R3HDM4: variants seen among roughly 807,000 people sequenced by gnomAD.
R3HDM4 encodes the protein R3H domain containing 4.
A neutral mutation model predicts 31.3 loss-of-function variants in R3HDM4; 30 were observed. The observed-to-expected ratio is 0.96, with a 90% confidence interval of 0.72 to 1.30. The LOEUF (loss-of-function observed/expected upper bound fraction) is 1.30, where lower values mean the gene tolerates loss of function less well. Ranked by LOEUF, R3HDM4 falls within the 50% of genes most tolerant of loss-of-function variation. The pLI, the probability that R3HDM4 is intolerant of heterozygous loss-of-function variation, is 0.00. For synonymous variants in R3HDM4, 196 were observed against 156.6 expected (o/e 1.25, Z -1.88); for missense variants, 444 against 366.1 (o/e 1.21, Z -1.74).
In R3HDM4 at chr19:897,308, AG is replaced by A; in HGVS notation, c.*128del. On this transcript the variant is annotated 3_prime_UTR_variant, in exon 8 of 8. Coordinates refer to ENST00000361574, the MANE Select transcript of R3HDM4 (RefSeq NM_138774.4). ...AGCTGCGTGAGGAGGGGGCAGAGTGAGAGAGACCACCCCAAGCGAAAAAGGT... is the reference window on the plus strand; with the variant it reads ...AGCTGCGTGAGGAGGGGGCAGAGTGAAGAGACCACCCCAAGCGAAAAAGGT... 2 of 688,786 alleles carry A rather than the reference AG, an allele frequency of 2.9e-6. No individual in the cohort carries two copies. Among genetic ancestry groups the A allele is most frequent in the Non-Finnish European group, 4.8e-6 (2 of 416,298 alleles). 42.7% of individuals were successfully genotyped at this position (688,786 alleles called of 1,614,324 possible).
rs150605521 is a variant in R3HDM4 at position 897,075 on chromosome 19, C to G, written c.*362G>C. ...AAAAGGGAAATTTAAAAATCTACAACAAATCACACCAAATTCATTAAAAGT... is the reference window on the plus strand; with the variant it reads ...AAAAGGGAAATTTAAAAATCTACAAGAAATCACACCAAATTCATTAAAAGT... On this transcript the variant is annotated 3_prime_UTR_variant, in exon 8 of 8. Coordinates refer to ENST00000361574, the MANE Select transcript of R3HDM4 (RefSeq NM_138774.4). 10 of 202,528 alleles carry G rather than the reference C, an allele frequency of 4.9e-5. No homozygotes were observed. Among genetic ancestry groups the G allele is most frequent in the Non-Finnish European group, 7.9e-5 (8 of 101,798 alleles). The allele number at this position is 202,528 out of a possible 1,614,324, so 12.5% of individuals were successfully genotyped here.
At chr19:902,842 T>C (rs1046361431) in intron 1 of R3HDM4, among the ~76,000 whole-genome samples, 4 of 151,156 alleles carry the variant, frequency 2.6e-5, no homozygotes, top group Middle Eastern at 3.6e-3. Flanking sequence ...CTCAGGAGGC[T>C]GAAGTGAGAG....
chr19:904,853 G>C (rs1320278835), intron 1 of R3HDM4, among the ~76,000 whole-genome samples: 1 of 152,122 alleles, frequency 6.6e-6, no homozygotes, highest in African/African-American at 2.4e-5. Flanking sequence ...CATGTAAAGA[G>C]TCCTCAAGCC....
rs1410433410 is a variant in R3HDM4, at chr19:913,070, C to T, written c.71+17G>A. 13 of 1,027,840 alleles carry T rather than the reference C, an allele frequency of 1.3e-5. No homozygotes were observed. The highest frequency in any genetic ancestry group is 8.5e-5 in the East Asian group (1 of 11,802). The allele number at this position is 1,027,840 out of a possible 1,614,324, so 63.7% of individuals were successfully genotyped here. A position where few individuals can be genotyped will look rare whatever the true frequency, so the allele number is the denominator to read the frequency against. ...CCCGCCCCCGGCGCCCGCCGCGCCC[C>T]GCCCGCCCGCGCTCACAGCAGCCGC... On this transcript the variant is annotated intron_variant, in intron 1 of 7. Coordinates refer to ENST00000361574, the MANE Select transcript of R3HDM4 (RefSeq NM_138774.4). This position sits in a 1 kb window ranked among gnomAD's most constrained non-coding sequence, Gnocchi z 5.0.
intron 1 of R3HDM4, among the ~76,000 whole-genome samples, chr19:910,024 A>G (rs536429557): frequency 1.3e-5 from 2 of 152,074 alleles, no homozygotes; most frequent in East Asian, 3.9e-4. Context: ...CGTCTCTACA[A>G]CAAATTAAAA....
chr19:906,589 G>A (rs2036908508), intron 1 of R3HDM4, among the ~76,000 whole-genome samples: 1 of 152,062 alleles, frequency 6.6e-6, no homozygotes, highest in Admixed American at 6.6e-5. Flanking sequence ...GGTACTCAGA[G>A]CCAAAAGGGC....
Position 913,048 on chromosome 19 carries a change from G to GT in R3HDM4, c.71+38_71+39insA. 1 of 788,238 alleles carries GT rather than the reference G, an allele frequency of 1.3e-6. No homozygotes were observed. The highest frequency in any genetic ancestry group is 1.6e-6 in the Non-Finnish European group (1 of 642,946). The allele number at this position is 788,238 out of a possible 1,614,324, so 48.8% of individuals were successfully genotyped here. A position where few individuals can be genotyped will look rare whatever the true frequency, so the allele number is the denominator to read the frequency against. On this transcript the variant is annotated intron_variant, in intron 1 of 7. Transcript: ENST00000361574. This position sits in a 1 kb window ranked among gnomAD's most constrained non-coding sequence, Gnocchi z 5.0. The stretch of plus-strand genomic sequence containing the variant: ...GATCTCAGGGGAGGGAGCCCAGCCC[G>GT]CCCCCGGCGCCCGCCGCGCCCCGCC...
intron 7 of R3HDM4, among the ~76,000 whole-genome samples, chr19:898,597 A>C (rs2145280055): frequency 6.6e-6 from 1 of 150,562 alleles, no homozygotes; most frequent in East Asian, 1.9e-4. Flanking sequence ...AGACTGTCTC[A>C]AAAAAACCAA....
At chr19:903,017 C>G (rs1568341276) in intron 1 of R3HDM4, among the ~76,000 whole-genome samples, 1 of 152,200 alleles carries the variant, frequency 6.6e-6, no homozygotes, top group Non-Finnish European at 1.5e-5. Flanking sequence ...CCCAAAGTCA[C>G]ACAGCAGGTG....
chr19:911,527 C>T (rs1682259359), intron 1 of R3HDM4, among the ~76,000 whole-genome samples: 1 of 152,224 alleles, frequency 6.6e-6, no homozygotes, highest in Non-Finnish European at 1.5e-5. Context: ...TTGCTGGGCC[C>T]GCCGCAGTGC....
At position 901,565 on chromosome 19, in the gene R3HDM4, T is replaced by C. The variant is rs370595341; in HGVS notation, c.227-19A>G. 16 of 1,591,130 alleles carry C rather than the reference T, an allele frequency of 1.0e-5. No homozygotes were observed. In the East Asian group the frequency reaches 2.9e-4, roughly 29 times the overall value. The stretch of plus-strand genomic sequence containing the variant: ...TACTGGGCTAGGTGGAAACAGATGC[T>C]CTCTGGGCCGGGGTGGCATTTGGGG... On this transcript the variant is annotated intron_variant, in intron 2 of 7. Transcript: ENST00000361574.
At chr19:897,656 G>A (rs2145277646) in intron 7 of R3HDM4, 116 bp from the exon 8 acceptor site, 2 of 797,166 alleles carry the variant, frequency 2.5e-6, no homozygotes, top group Non-Finnish European at 4.1e-6. Flanking sequence ...GCCAGCTGGT[G>A]TGTGCTGGTC....
Position 901,566 on chromosome 19 carries a change from C to T in R3HDM4, c.227-20G>A, listed in dbSNP as rs921051424. On this transcript the variant is annotated intron_variant, in intron 2 of 7. Coordinates refer to ENST00000361574, the MANE Select transcript of R3HDM4 (RefSeq NM_138774.4). ...ACTGGGCTAGGTGGAAACAGATGCTCTCTGGGCCGGGGTGGCATTTGGGGA... is the reference window on the plus strand; with the variant it reads ...ACTGGGCTAGGTGGAAACAGATGCTTTCTGGGCCGGGGTGGCATTTGGGGA... 10 of 1,592,016 alleles carry T rather than the reference C, an allele frequency of 6.3e-6. No individual in the cohort carries two copies. The highest frequency in any genetic ancestry group is 1.3e-5 in the African/African-American group (1 of 74,742).
At chr19:902,552 G>C (rs1342038925) in intron 1 of R3HDM4, 1 of 170,838 alleles carries the variant, frequency 5.9e-6, no homozygotes, top group Non-Finnish European at 1.3e-5. Flanking sequence ...CCTGAGGCAG[G>C]AGGATCACTT....
chr19:911,762 C>T (rs1462258166), intron 1 of R3HDM4, among the ~76,000 whole-genome samples: 7 of 152,110 alleles, frequency 4.6e-5, no homozygotes, highest in African/African-American at 1.7e-4. Flanking sequence ...GGGTGACACA[C>T]GGCTGACCCC....
At position 897,397 on chromosome 19, in the gene R3HDM4, G is replaced by A. The variant is rs1180390289; in HGVS notation, c.*40C>T. 1.4e-6 allele frequency: 2 copies of A among 1,444,754 alleles called. No homozygotes were observed. Among genetic ancestry groups the A allele is most frequent in the Non-Finnish European group, 9.5e-7 (1 of 1,056,762 alleles). 89.5% of individuals were successfully genotyped at this position (1,444,754 alleles called of 1,614,324 possible). ...AGCCGAAGGTATCGGAGGGCTTGATGGCTGGGCGAGGTGGCAGCGGGGTCT... is the reference window on the plus strand; with the variant it reads ...AGCCGAAGGTATCGGAGGGCTTGATAGCTGGGCGAGGTGGCAGCGGGGTCT... On this transcript the variant is annotated 3_prime_UTR_variant, in exon 8 of 8. Transcript: ENST00000361574.
At chr19:906,978 G>A (rs1287220904) in intron 1 of R3HDM4, among the ~76,000 whole-genome samples, 1 of 152,004 alleles carries the variant, frequency 6.6e-6, no homozygotes, top group East Asian at 1.9e-4. Context: ...ACCACGCCTG[G>A]TTAATTTTTG....
chr19:900,608 A>T (rs1287149883), intron 4 of R3HDM4, among the ~76,000 whole-genome samples: 1 of 37,680 alleles, frequency 2.7e-5, no homozygotes, highest in Non-Finnish European at 5.2e-5. Flanking sequence ...GGTCCCGCCC[A>T]CACCCCATCC....
chr19:902,277 C>G lies in R3HDM4; in HGVS notation c.72-147G>C. ...TGTGAAGTCCTGGGCCCTTAAAATC[C>G]TATTTTGTTTCATCCTCACATCACA... On this transcript the variant is annotated intron_variant, in intron 1 of 7. Transcript: ENST00000361574. The G allele has an allele frequency of 9.8e-6, 8 of 815,232 alleles. No homozygotes were observed. The South Asian group carries it at 1.4e-4, about 14-fold the overall frequency. The allele number at this position is 815,232 out of a possible 1,614,324, so 50.5% of individuals were successfully genotyped here.
Sources: gnomAD v4.1 joint callset for allele counts (sites outside exome capture counted in the v4.1 genomes callset) on GRCh38, gnomAD v4.1.1 for gene constraint, Gnocchi (gnomAD v3.1) non-coding constraint, MANE v1.5 for transcripts, NCBI Gene and HGNC (gene_info 2026-07-23, HGNC 2026-07-21) for gene names.